The following MIB1 variants were observed in gnomAD, a reference collection of about 807,000 sequenced individuals.
The protein encoded by MIB1 is MIB E3 ubiquitin protein ligase 1.
In MIB1, 278 loss-of-function variants were observed where a neutral mutation model predicts 124.5. That is an observed-to-expected ratio of 2.23 (90% CI 2.02 to 2.47). The LOEUF is 2.47. MIB1 is among the 30% of genes most tolerant of loss of function. The pLI is 0.00. For synonymous variants in MIB1, 446 were observed against 429.4 expected (o/e 1.04, Z -0.48); for missense variants, 957 against 1,254.4 (o/e 0.76, Z 3.58).
chr18:21,764,729 A>G (rs62090811), intron 1 of MIB1, among the ~76,000 whole-genome samples: 7 of 50,816 alleles, frequency 1.4e-4, no homozygotes, highest in Non-Finnish European at 1.8e-4. Flanking sequence ...AGTTATTTTG[A>G]AAAAAAAAAC....
At chr18:21,709,365 A>C (rs1463458275) in intron 1 of MIB1, among the ~76,000 whole-genome samples, 1 of 149,976 alleles carries the variant, frequency 6.7e-6, no homozygotes, top group African/African-American at 2.5e-5. Flanking sequence ...TGATGACAAT[A>C]CTCCTGCTCT....
Position 21,741,843 on chromosome 18 carries a change from G to C in MIB1, c.229+31G>C, listed in dbSNP as rs2040856897. 1.3e-6 allele frequency: 2 copies of C among 1,529,772 alleles called. No individual in the cohort carries two copies. The highest frequency in any genetic ancestry group is 1.8e-6 in the Non-Finnish European group (2 of 1,134,720). 94.8% of individuals were successfully genotyped at this position (1,529,772 alleles called of 1,614,324 possible). A position where few individuals can be genotyped will look rare whatever the true frequency, so the allele number is the denominator to read the frequency against. On this transcript the variant is annotated intron_variant, in intron 1 of 20. Transcript: ENST00000261537. The surrounding 1 kb of genome is among the most constrained non-coding windows in gnomAD (Gnocchi z 5.4). ...CCGCGGCCACCTGGCCAGGGCTTGC[G>C]CGCGCGGGGGGAAGGGGCGAGCTGC...
chr18:21,772,486 G>A (rs950588101), intron 3 of MIB1, among the ~76,000 whole-genome samples: 1 of 152,112 alleles, frequency 6.6e-6, no homozygotes, highest in African/African-American at 2.4e-5. Context: ...CACTGACATG[G>A]TGCTCAAAGG....
At chr18:21,722,867 C>G (rs151065888) in intron 1 of MIB1, among the ~76,000 whole-genome samples, 1 of 152,234 alleles carries the variant, frequency 6.6e-6, no homozygotes, top group African/African-American at 2.4e-5. Context: ...ATGACATCAC[C>G]AGGAATGTTC....
At position 21,779,463 on chromosome 18, in the gene MIB1, T is replaced by A; in HGVS notation, c.704-18T>A. 6.2e-7 allele frequency: 1 copy of A among 1,609,610 alleles called. No homozygotes were observed. The highest frequency in any genetic ancestry group is 8.5e-7 in the Non-Finnish European group (1 of 1,175,924). Reference sequence around the variant, plus strand: ...GAGGTTTTTTTCTCCCTTTATTCAATTGCCTCTGAAATTACAGGTGAGCAG... The same window carrying A: ...GAGGTTTTTTTCTCCCTTTATTCAAATGCCTCTGAAATTACAGGTGAGCAG... On this transcript the variant is annotated intron_variant, in intron 5 of 20. Transcript: ENST00000261537.
At chr18:21,725,287 A>G (rs1401585828) in intron 1 of MIB1, among the ~76,000 whole-genome samples, 2 of 152,116 alleles carry the variant, frequency 1.3e-5, no homozygotes, top group African/African-American at 4.8e-5. Context: ...AGACTTCAAG[A>G]TGAAAAAATG....
intron 10 of MIB1, among the ~76,000 whole-genome samples, chr18:21,814,715 A>G (rs924624342): frequency 7.9e-5 from 12 of 151,854 alleles, no homozygotes; most frequent in African/African-American, 2.9e-4. Flanking sequence ...CTGGGATTAC[A>G]GGCATGTGCC....
At chr18:21,849,031 A>G (rs8086489) in intron 16 of MIB1, among the ~76,000 whole-genome samples, 165 bp from the exon 17 acceptor site, 322 of 152,354 alleles carry the variant, frequency 2.1e-3, no homozygotes, top group African/African-American at 7.4e-3. Context: ...GCAGAGACGC[A>G]TATAAACACA....
At chr18:21,775,114 T>C (rs2041268458) in intron 4 of MIB1, among the ~76,000 whole-genome samples, 1 of 151,356 alleles carries the variant, frequency 6.6e-6, no homozygotes, top group African/African-American at 2.4e-5. Flanking sequence ...CCCGGCTCAT[T>C]TTTTGCATTT....
Position 21,853,138 on chromosome 18 carries a change from A to G in MIB1, c.2587-2A>G. On this transcript the variant is annotated splice_acceptor_variant, in intron 17 of 20. Coordinates refer to ENST00000261537, the MANE Select transcript of MIB1 (RefSeq NM_020774.4). LOFTEE classifies it high-confidence loss of function. ...ACTGTGCTGTAACCTCTTTTTCTAT[A>G]GATTGAAGAATGTGTGGTATGCTCT... 1 of 1,607,916 alleles carries G rather than the reference A, an allele frequency of 6.2e-7. No individual in the cohort carries two copies. Among genetic ancestry groups the G allele is most frequent in the Non-Finnish European group, 8.5e-7 (1 of 1,174,664 alleles).
At chr18:21,725,140 T>C (rs1195148229) in intron 1 of MIB1, among the ~76,000 whole-genome samples, 4 of 151,202 alleles carry the variant, frequency 2.6e-5, no homozygotes, top group African/African-American at 9.7e-5. Context: ...AATTATTTAT[T>C]AATAAACCAT....
intron 3 of MIB1, among the ~76,000 whole-genome samples, chr18:21,770,527 C>T (rs1382957587): frequency 6.6e-6 from 1 of 151,996 alleles, no homozygotes; most frequent in Non-Finnish European, 1.5e-5. Flanking sequence ...GCTGTGTTGC[C>T]CAGGCTGGTC....
In MIB1 at chr18:21,870,166, TATC is replaced by T. The variant is rs1223066028; in HGVS notation, c.*5503_*5505del. ...ATCGTTAATAAAACCTATGGTGTAA[TATC>T]ATATAATGCTTTTCTTTGATCTTTG... On this transcript the variant is annotated 3_prime_UTR_variant, in exon 21 of 21. Coordinates refer to ENST00000261537, the MANE Select transcript of MIB1 (RefSeq NM_020774.4). 3.3e-5 allele frequency: 5 copies of T among 152,720 alleles called. No homozygotes were observed. Among genetic ancestry groups the T allele is most frequent in the Admixed American group, 3.3e-4 (5 of 15,302 alleles). 9.5% of individuals were successfully genotyped at this position (152,720 alleles called of 1,614,324 possible).
chr18:21,785,043 C>T (rs1180856803), intron 6 of MIB1, among the ~76,000 whole-genome samples: 1 of 152,188 alleles, frequency 6.6e-6, no homozygotes, highest in Non-Finnish European at 1.5e-5. Context: ...AGCTGTTGAT[C>T]TCTCCGAAAA....
At chr18:21,744,697 A>G (rs2040893220) in intron 1 of MIB1, among the ~76,000 whole-genome samples, 1 of 152,140 alleles carries the variant, frequency 6.6e-6, no homozygotes, top group African/African-American at 2.4e-5. Context: ...TTAAATTCAG[A>G]TTATGTATTT....
intron 6 of MIB1, among the ~76,000 whole-genome samples, chr18:21,781,481 T>C (rs1880113554): frequency 6.7e-6 from 1 of 149,344 alleles, no homozygotes; most frequent in Admixed American, 6.7e-5. Context: ...TGGCACGATG[T>C]CAGCTCATTG....
intron 11 of MIB1, among the ~76,000 whole-genome samples, chr18:21,818,154 C>T (rs1438701903): frequency 6.6e-6 from 1 of 152,182 alleles, no homozygotes; most frequent in African/African-American, 2.4e-5. Flanking sequence ...TGTTTCTCAC[C>T]TGTGACTGCA....
chr18:21,848,558 C>T (rs190067178), intron 16 of MIB1, among the ~76,000 whole-genome samples: 4 of 152,230 alleles, frequency 2.6e-5, no homozygotes, highest in East Asian at 1.9e-4. Flanking sequence ...GTGTTGTGTA[C>T]GTGTTCGTGA....
chr18:21,822,969 C>T (rs2041892292), intron 12 of MIB1, among the ~76,000 whole-genome samples: 1 of 152,038 alleles, frequency 6.6e-6, no homozygotes, highest in Non-Finnish European at 1.5e-5. Flanking sequence ...CGTGGTGGCT[C>T]ATGCCTATAA....
Sources: allele counts gnomAD v4.1 joint callset (sites outside exome capture counted in the v4.1 genomes callset), GRCh38; gene constraint gnomAD v4.1.1; non-coding constraint Gnocchi (gnomAD v3.1); transcripts MANE v1.5; gene names NCBI Gene and HGNC (gene_info 2026-07-23, HGNC 2026-07-21).